The following POLD3 variants were observed in gnomAD, a reference collection of about 807,000 sequenced individuals.
POLD3 encodes DNA polymerase delta 3, accessory subunit.
A neutral mutation model predicts 58.2 loss-of-function variants in POLD3; 19 were observed. The observed-to-expected ratio is 0.33, with a 90% confidence interval of 0.23 to 0.48. The LOEUF is 0.48. POLD3 is among the 20% of genes least tolerant of loss of function. The pLI, the probability that POLD3 is intolerant of heterozygous loss-of-function variation, is 0.99. For synonymous variants in POLD3, 172 were observed against 193.5 expected (o/e 0.89, Z 0.92); for missense variants, 504 against 545.5 (o/e 0.92, Z 0.76).
At chr11:74,601,331 A>T (rs2031490154) in intron 2 of POLD3, among the ~76,000 whole-genome samples, 2 of 152,210 alleles carry the variant, frequency 1.3e-5, no homozygotes, top group South Asian at 4.1e-4. Context: ...ATTAGAGGGC[A>T]AAGAGGAGGA....
chr11:74,638,176 T>G (rs1431897527), intron 11 of POLD3, among the ~76,000 whole-genome samples: 2 of 152,210 alleles, frequency 1.3e-5, no homozygotes, highest in African/African-American at 4.8e-5. Flanking sequence ...AGTGGCATGT[T>G]GTTCAGCTAA....
At chr11:74,649,227 C>A (rs1362541391) in intron 4 of POLD3, among the ~76,000 whole-genome samples, 1 of 152,204 alleles carries the variant, frequency 6.6e-6, no homozygotes, top group Non-Finnish European at 1.5e-5. Flanking sequence ...CATCCCAAAT[C>A]TTACTAACAC....
chr11:74,605,232 G>A (rs1425641825), intron 3 of POLD3, among the ~76,000 whole-genome samples: 1 of 152,106 alleles, frequency 6.6e-6, no homozygotes, highest in African/African-American at 2.4e-5. Flanking sequence ...AAGAGTTTTT[G>A]GCAGGAGCAT....
chr11:74,618,907 T>A, intron 6 of POLD3, 103 bp downstream of exon 6: 1 of 970,350 alleles, frequency 1.0e-6, no homozygotes, highest in Non-Finnish European at 1.5e-6. Flanking sequence ...AAGATTCTGA[T>A]ATTCAGTTCT....
chr11:74,648,854 G>A (rs372932503), intron 4 of POLD3, among the ~76,000 whole-genome samples: 48 of 152,312 alleles, frequency 3.2e-4, no homozygotes, highest in African/African-American at 1.1e-3. Context: ...AATTGAACCT[G>A]TATCTTGAGT....
At chr11:74,621,286 G>A (rs1272704717) in intron 7 of POLD3, among the ~76,000 whole-genome samples, 9 of 152,082 alleles carry the variant, frequency 5.9e-5, no homozygotes, top group Admixed American at 5.9e-4. Context: ...GATTCTTATA[G>A]GATTGTGAAC....
At chr11:74,623,351 C>T (rs1172079346) in intron 7 of POLD3, among the ~76,000 whole-genome samples, 4 of 152,138 alleles carry the variant, frequency 2.6e-5, no homozygotes, top group Non-Finnish European at 5.9e-5. Flanking sequence ...AGGAGAATGG[C>T]GTGAACCCAG....
chr11:74,625,517 G>GA lies in POLD3; in HGVS notation c.849dup (p.Ser284IlefsTer9), dbSNP rs1413278764. On this transcript the variant is annotated frameshift_variant, in exon 8 of 12. Transcript: ENST00000263681. LOFTEE classifies it high-confidence loss of function. The stretch of plus-strand genomic sequence containing the variant: ...CAAAGCTGGCAACTCCTGCAGGCCT[G>GA]AAAAAATCCAGCAAAAAAGCAGAGC... 6.2e-7 allele frequency: 1 copy of GA among 1,613,478 alleles called. No homozygotes were observed. The highest frequency in any genetic ancestry group is 1.1e-5 in the South Asian group (1 of 91,014).
chr11:74,595,246 C>T (rs751708721), intron 2 of POLD3: 9 of 150,966 alleles, frequency 6.0e-5, no homozygotes, highest in Non-Finnish European at 1.3e-4. Flanking sequence ...ATCCTCCCGC[C>T]TCAGCCTACC....
chr11:74,593,857 A>G (rs148509642), intron 1 of POLD3, among the ~76,000 whole-genome samples: 59 of 152,314 alleles, frequency 3.9e-4, no homozygotes, highest in African/African-American at 1.4e-3. Context: ...TCATTAGTTC[A>G]TGAAACAAAC....
intron 4 of POLD3, among the ~76,000 whole-genome samples, chr11:74,649,083 G>A (rs558066009): frequency 1.6e-4 from 25 of 152,172 alleles, no homozygotes; most frequent in African/African-American, 5.5e-4. Flanking sequence ...TTGGTTCCAC[G>A]GTTTCACCAA....
chr11:74,653,676 A>C (rs1445238818), intron 4 of POLD3, among the ~76,000 whole-genome samples: 1 of 152,230 alleles, frequency 6.6e-6, no homozygotes, highest in African/African-American at 2.4e-5. Flanking sequence ...CAATAAAAAG[A>C]CATTAGACTT....
intron 3 of POLD3, among the ~76,000 whole-genome samples, chr11:74,610,081 C>T (rs979997087): frequency 2.6e-5 from 4 of 152,184 alleles, no homozygotes; most frequent in Non-Finnish European, 1.5e-5. Context: ...TGCCAAATAT[C>T]ACTCTGCTTC....
At chr11:74,612,436 C>T (rs562668306) in intron 4 of POLD3, among the ~76,000 whole-genome samples, 3 of 152,186 alleles carry the variant, frequency 2.0e-5, no homozygotes, top group East Asian at 1.9e-4. Context: ...GTTTCTCTTC[C>T]GTAGACTTAT....
intron 8 of POLD3, among the ~76,000 whole-genome samples, chr11:74,626,847 ACAT>A (rs751040365): frequency 7.9e-5 from 12 of 152,160 alleles, no homozygotes; most frequent in Non-Finnish European, 1.5e-4. Context: ...TTGCCTAGTG[ACAT>A]CATAGCTGTC....
intron 3 of POLD3, among the ~76,000 whole-genome samples, chr11:74,606,579 G>C (rs889225486): frequency 2.0e-5 from 3 of 152,068 alleles, no homozygotes; most frequent in Non-Finnish European, 4.4e-5. Flanking sequence ...TTCTGGAATA[G>C]GATCCAAAGT....
chr11:74,667,361 C>T (rs186014939), intron 4 of POLD3, among the ~76,000 whole-genome samples: 207 of 152,262 alleles, frequency 1.4e-3, no homozygotes, highest in African/African-American at 4.5e-3. Context: ...CAGTGAAACC[C>T]CGTCTCTACT....
chr11:74,597,808 T>C (rs187054032), intron 2 of POLD3, among the ~76,000 whole-genome samples: 1 of 152,314 alleles, frequency 6.6e-6, no homozygotes, highest in Non-Finnish European at 1.5e-5. Flanking sequence ...CTGTGGTGGC[T>C]CAGTTGTATT....
Position 74,594,185 on chromosome 11 carries a change from A to G in POLD3, c.116+69A>G, listed in dbSNP as rs976191229. 4.7e-5 allele frequency: 42 copies of G among 901,090 alleles called. No individual in the cohort carries two copies. The Middle Eastern group carries it at 1.5e-3, about 32-fold the overall frequency. 55.8% of individuals were successfully genotyped at this position (901,090 alleles called of 1,614,324 possible). On this transcript the variant is annotated intron_variant, in intron 2 of 11. Transcript: ENST00000263681. ...TTTTGTTTTGTTATGCTTTGCTTTT[A>G]ACTCTACAGATAGCCTACATAGATT...
Sources: allele counts gnomAD v4.1 joint callset (sites outside exome capture counted in the v4.1 genomes callset), GRCh38; gene constraint gnomAD v4.1.1; transcripts MANE v1.5; gene names NCBI Gene and HGNC (gene_info 2026-07-23, HGNC 2026-07-21).